The following MDN1 variants were observed in gnomAD, a reference collection of about 807,000 sequenced individuals.
MDN1 encodes the protein midasin.
In MDN1, 266 loss-of-function variants were observed where a neutral mutation model predicts 669.2. That is an observed-to-expected ratio of 0.40 (90% CI 0.36 to 0.44). The LOEUF is 0.44. Among genes scored for constraint, MDN1 ranks in the 20% least tolerant of loss-of-function variants. The probability of loss-of-function intolerance (pLI) is 1.00; values close to 1 mark genes in which losing one functional copy is unlikely to be tolerated. For missense variants in MDN1, 5,940 were observed against 6,754.0 expected, an observed-to-expected ratio of 0.88 and a Z score of 4.22; for synonymous variants, 2,385 against 2,457.1, an observed-to-expected ratio of 0.97 and a Z score of 0.87.
intron 40 of MDN1, among the ~76,000 whole-genome samples, chr6:89,720,264 G>A (rs1814720872): frequency 6.6e-6 from 1 of 151,872 alleles, no homozygotes; most frequent in Non-Finnish European, 1.5e-5. Flanking sequence ...AACCCCTGAT[G>A]TTCTACCAGA....
chr6:89,688,312 A>C (rs1436362606), intron 66 of MDN1, 139 bp from the exon 67 acceptor site: 6 of 808,100 alleles, frequency 7.4e-6, no homozygotes, highest in South Asian at 5.2e-5. Flanking sequence ...ACAGAGCAAC[A>C]TGGCAGCATT....
chr6:89,744,528 G>T (rs1269830494), intron 29 of MDN1, among the ~76,000 whole-genome samples: 1 of 151,976 alleles, frequency 6.6e-6, no homozygotes, highest in Non-Finnish European at 1.5e-5. Context: ...TCAACCTCCT[G>T]ACTAGCTAGG....
chr6:89,750,601 A>C, intron 23 of MDN1, 69 bp from the exon 24 acceptor site: 1 of 1,435,458 alleles, frequency 7.0e-7, no homozygotes. Context: ...ACCAGAACTG[A>C]GTATTGGTTT....
chr6:89,694,160 C>T lies in MDN1; in HGVS notation c.9795G>A (p.Trp3265Ter), dbSNP rs368333941. 2.5e-6 allele frequency: 4 copies of T among 1,614,022 alleles called. No individual in the cohort carries two copies. The highest frequency in any genetic ancestry group is 2.5e-6 in the Non-Finnish European group (3 of 1,180,028). The change falls in exon 62 of 102, where the codon TGG becomes TGA. Residue 3265 changes from tryptophan (W) to a stop codon, truncating the protein, a stop_gained. Coordinates refer to ENST00000369393, the MANE Select transcript of MDN1 (RefSeq NM_014611.3). LOFTEE classifies it high-confidence loss of function. The stretch of plus-strand genomic sequence containing the variant: ...GCTGGGATGACAGGTTCCGGGTCTT[C>T]CATTCACACTGCAGTTGGTGTAACT... The part of the protein sequence containing the change: ...KEELHQLQCE[W>*]KTRNLSSQLQ...
At chr6:89,688,912 G>T in intron 65 of MDN1, 104 bp from the exon 66 acceptor site, 1 of 923,756 alleles carries the variant, frequency 1.1e-6, no homozygotes, top group Non-Finnish European at 1.7e-6. Context: ...GCTCATGTCT[G>T]TAATCCCAGC....
At chr6:89,772,757 T>C (rs1818164274) in intron 13 of MDN1, 36 bp from the exon 14 acceptor site, 1 of 1,602,464 alleles carries the variant, frequency 6.2e-7, no homozygotes, top group African/African-American at 1.3e-5. Flanking sequence ...AAAACCACGC[T>C]GCAAGCTTCT....
chr6:89,744,119 A>C (rs1227012434), intron 29 of MDN1, among the ~76,000 whole-genome samples: 3 of 146,406 alleles, frequency 2.0e-5, no homozygotes, highest in East Asian at 2.0e-4. Context: ...AAAAAAAAAA[A>C]AAAAAAAAAA....
intron 27 of MDN1, among the ~76,000 whole-genome samples, chr6:89,746,809 TATC>T (rs1011056742): frequency 3.3e-5 from 5 of 152,174 alleles, no homozygotes; most frequent in Non-Finnish European, 7.3e-5. Context: ...CTTTGTATCC[TATC>T]ATCAGCACTT....
chr6:89,762,550 A>G lies in MDN1; in HGVS notation c.2145-20T>C. 1 of 1,564,942 alleles carries G rather than the reference A, an allele frequency of 6.4e-7. No homozygotes were observed. Among genetic ancestry groups the G allele is most frequent in the Non-Finnish European group, 8.7e-7 (1 of 1,144,264 alleles). On this transcript the variant is annotated intron_variant, in intron 15 of 101. Coordinates refer to ENST00000369393, the MANE Select transcript of MDN1 (RefSeq NM_014611.3). ...TTATAACTGAAACAGACACAGGTAA[A>G]TGTGATTCACAAACTTCTGAAGTTA... is the stretch of plus-strand genomic sequence containing the variant.
intron 9 of MDN1, among the ~76,000 whole-genome samples, chr6:89,782,156 C>T (rs941015297): frequency 2.6e-5 from 4 of 152,168 alleles, no homozygotes; most frequent in African/African-American, 2.4e-5. Flanking sequence ...ACAGTTTCAG[C>T]GGTAGAAGTC....
intron 6 of MDN1, 25 bp from the exon 7 acceptor site, chr6:89,789,936 A>G (rs1457109705): frequency 6.2e-7 from 1 of 1,606,816 alleles, no homozygotes; most frequent in Admixed American, 1.7e-5. Flanking sequence ...TAAAGTAATT[A>G]CTGAAAAACC....
chr6:89,676,414 A>C (rs1289274800), intron 76 of MDN1, among the ~76,000 whole-genome samples: 1 of 152,238 alleles, frequency 6.6e-6, no homozygotes, highest in East Asian at 1.9e-4. Flanking sequence ...AATTATGCTG[A>C]CAACATGGTT....
intron 56 of MDN1, 48 bp from the exon 57 acceptor site, chr6:89,700,342 T>C (rs770036133): frequency 1.4e-6 from 2 of 1,450,754 alleles, no homozygotes; most frequent in African/African-American, 2.8e-5. Context: ...GTTAAGAGTA[T>C]AGCCTCTAGA....
In MDN1 at chr6:89,749,242, T is replaced by C. The variant is rs1299000619; in HGVS notation, c.3743A>G (p.Lys1248Arg). 2 of 1,613,966 alleles carry C rather than the reference T, an allele frequency of 1.2e-6. No homozygotes were observed. The highest frequency in any genetic ancestry group is 2.7e-5 in the African/African-American group (2 of 74,896). ...LPPSYCSKLVKVMLDLQSYRR... is the reference protein window; with the variant it reads ...LPPSYCSKLVRVMLDLQSYRR... Reference sequence around the variant, plus strand: ...AAGTACCTGAAGATCCAGCATGACTTTAACCAACTTGCTGCAATAGGAGGG... The same window carrying C: ...AAGTACCTGAAGATCCAGCATGACTCTAACCAACTTGCTGCAATAGGAGGG... Residue 1248 changes from lysine (K) to arginine (R), a missense_variant, in exon 26 of 102, where the codon AAA becomes AGA. Lys to Arg is a conservative substitution (Grantham distance 26). This residue lies in a region of MDN1 where 2,292 missense variants were observed against 2,638.3 expected (regional missense o/e 0.87). Coordinates refer to ENST00000369393, the MANE Select transcript of MDN1 (RefSeq NM_014611.3).
chr6:89,722,379 G>T (rs1814888742), intron 40 of MDN1, among the ~76,000 whole-genome samples: 1 of 152,180 alleles, frequency 6.6e-6, no homozygotes, highest in African/African-American at 2.4e-5. Context: ...TGTAAAGATG[G>T]TGAAGACTTA....
At chr6:89,770,303 CTG>C (rs1481363351) in intron 15 of MDN1, among the ~76,000 whole-genome samples, 1 of 150,972 alleles carries the variant, frequency 6.6e-6, no homozygotes, top group East Asian at 1.9e-4. Context: ...ACTCAGGAGA[CTG>C]AGGCAGAAGA....
At chr6:89,714,772 A>T (rs752747621) in intron 45 of MDN1, 21 bp from the exon 46 acceptor site, 1 of 1,597,798 alleles carries the variant, frequency 6.3e-7, no homozygotes, top group Non-Finnish European at 8.5e-7. Context: ...AGCAATTCAA[A>T]GAAAAAAATG....
intron 2 of MDN1, among the ~76,000 whole-genome samples, chr6:89,802,267 T>C (rs895641692): frequency 6.6e-6 from 1 of 152,180 alleles, no homozygotes; most frequent in African/African-American, 2.4e-5. Context: ...CCAACAGTGT[T>C]TTCCCCCAAG....
At chr6:89,732,530 G>C in intron 34 of MDN1, 27 bp downstream of exon 34, 1 of 1,606,128 alleles carries the variant, frequency 6.2e-7, no homozygotes, top group Admixed American at 1.7e-5. Flanking sequence ...CGAGCCCCTT[G>C]TCCCCACCAG....
Sources: allele counts gnomAD v4.1 joint callset (sites outside exome capture counted in the v4.1 genomes callset), GRCh38; gene constraint gnomAD v4.1.1; regional missense constraint gnomAD v4.1.1; transcripts MANE v1.5; gene names NCBI Gene and HGNC (gene_info 2026-07-23, HGNC 2026-07-21).